The following AOPEP variants were observed in gnomAD, a reference collection of about 807,000 sequenced individuals.
AOPEP encodes aminopeptidase O.
In AOPEP, 77 loss-of-function variants were observed where a neutral mutation model predicts 98.1. That is an observed-to-expected ratio of 0.78 (90% CI 0.65 to 0.95). The LOEUF (loss-of-function observed/expected upper bound fraction) is 0.95, where lower values mean the gene tolerates loss of function less well. Among genes scored for constraint, AOPEP ranks in the 40% least tolerant of loss-of-function variants. AOPEP has a pLI of 0.00. For synonymous variants in AOPEP, 346 were observed against 365.3 expected, an observed-to-expected ratio of 0.95 and a Z score of 0.60; for missense variants, 1,024 against 1,024.7, an observed-to-expected ratio of 1.00 and a Z score of 0.01.
rs559590318 is a variant in AOPEP at position 95,060,889 on chromosome 9, A to T, written c.2232+79A>T. 278 of 886,168 alleles carry T rather than the reference A, an allele frequency of 3.1e-4. 4 individuals are homozygous for T. In the South Asian group the frequency reaches 3.7e-3, roughly 12 times the overall value. The allele number at this position is 886,168 out of a possible 1,614,324, so 54.9% of individuals were successfully genotyped here. A position where few individuals can be genotyped will look rare whatever the true frequency, so the allele number is the denominator to read the frequency against. ...AATGGTGATCCCATTGCAGTCCCAA[A>T]CTATTGAAACCACCATTTCTATTAG... On this transcript the variant is annotated intron_variant, in intron 14 of 16. Transcript: ENST00000375315.
chr9:94,769,208 G>C (rs980252131), intron 2 of AOPEP, among the ~76,000 whole-genome samples: 2 of 152,204 alleles, frequency 1.3e-5, no homozygotes, highest in African/African-American at 4.8e-5. Flanking sequence ...GATTCCACCA[G>C]TAGAGCTTTA....
intron 5 of AOPEP, among the ~76,000 whole-genome samples, chr9:94,803,007 G>A (rs1404858870): frequency 6.6e-6 from 1 of 152,108 alleles, no homozygotes; most frequent in Non-Finnish European, 1.5e-5. Flanking sequence ...CTGGCTACTG[G>A]GGCCCTGCTG....
chr9:95,028,647 T>G (rs1411685871), intron 13 of AOPEP, among the ~76,000 whole-genome samples: 5 of 152,250 alleles, frequency 3.3e-5, no homozygotes, highest in Admixed American at 3.3e-4. Context: ...AGAATGCATT[T>G]GTGATGTTTG....
the AOPEP span, among the ~76,000 whole-genome samples, chr9:95,107,906 C>CT: frequency 6.6e-6 from 1 of 152,204 alleles, no homozygotes; most frequent in Non-Finnish European, 1.5e-5. Flanking sequence ...AATTATAAGT[C>CT]TGCAGGTTGC....
chr9:94,789,889 T>TC (rs1442578236), intron 3 of AOPEP, among the ~76,000 whole-genome samples: 1 of 93,188 alleles, frequency 1.1e-5, no homozygotes, highest in East Asian at 4.0e-4. Context: ...TCTTTTTTTT[T>TC]TTTAGACGGA....
In AOPEP at chr9:95,085,842, T is replaced by G. The variant is rs2070597715; in HGVS notation, c.*5-840T>G. On this transcript the variant is annotated intron_variant, in intron 16 of 16. Transcript: ENST00000375315. The stretch of plus-strand genomic sequence containing the variant: ...ACCTAAGTCGTGTGAAATCATGTGG[T>G]AGCTCATGGCTGTGAGCGGGGCGGG... 2.7e-6 allele frequency: 3 copies of G among 1,112,640 alleles called. No individual in the cohort carries two copies. In the African/African-American group the frequency reaches 4.9e-5, roughly 18 times the overall value. The allele number at this position is 1,112,640 out of a possible 1,614,324, so 68.9% of individuals were successfully genotyped here. A position where few individuals can be genotyped will look rare whatever the true frequency, so the allele number is the denominator to read the frequency against.
At chr9:95,086,614 G>C in intron 16 of AOPEP, 68 bp from the exon 17 acceptor site, 1 of 991,028 alleles carries the variant, frequency 1.0e-6, no homozygotes. Flanking sequence ...AAGGCACACA[G>C]AGGTGCGCGC....
intron 1 of AOPEP, among the ~76,000 whole-genome samples, chr9:94,732,352 G>A (rs1263505010): frequency 6.6e-6 from 1 of 151,534 alleles, no homozygotes; most frequent in Non-Finnish European, 1.5e-5. Context: ...AAACACAACT[G>A]TCTTATCCAC....
chr9:95,137,897 C>T, the AOPEP span, among the ~76,000 whole-genome samples: 1 of 152,212 alleles, frequency 6.6e-6, no homozygotes, highest in Non-Finnish European at 1.5e-5. Context: ...CAGCACATGG[C>T]AGAGAGAGGA....
intron 1 of AOPEP, among the ~76,000 whole-genome samples, chr9:94,747,150 C>T (rs1006509943): frequency 1.2e-4 from 18 of 151,704 alleles, no homozygotes; most frequent in African/African-American, 4.4e-4. Flanking sequence ...AAATTTAGAG[C>T]AAAGAGAGAC....
intron 6 of AOPEP, 145 bp from the exon 7 acceptor site, chr9:94,928,280 G>A (rs1347207142): frequency 1.3e-5 from 8 of 621,352 alleles, no homozygotes; most frequent in Non-Finnish European, 2.2e-5. Flanking sequence ...AGAGGCTCCA[G>A]TGGCCTTTAG....
chr9:95,034,284 A>AT (rs1472728877), intron 13 of AOPEP, among the ~76,000 whole-genome samples: 2 of 152,234 alleles, frequency 1.3e-5, no homozygotes, highest in Non-Finnish European at 2.9e-5. Context: ...AGGTGTCTTC[A>AT]TAAAGGAGAT....
At chr9:94,743,199 AGAG>A (rs1391766957) in intron 1 of AOPEP, among the ~76,000 whole-genome samples, 3 of 115,124 alleles carry the variant, frequency 2.6e-5, no homozygotes, top group African/African-American at 7.7e-5. Flanking sequence ...AAGAAGAAGA[AGAG>A]GAAGAAGAGG....
At chr9:95,141,128 G>T in the AOPEP span, among the ~76,000 whole-genome samples, 1 of 151,770 alleles carries the variant, frequency 6.6e-6, no homozygotes, top group African/African-American at 2.4e-5. Context: ...TGGGCAATAT[G>T]GCAAAACCCA....
chr9:95,066,777 C>T (rs1292969365), intron 14 of AOPEP, among the ~76,000 whole-genome samples: 1 of 152,138 alleles, frequency 6.6e-6, no homozygotes, highest in Non-Finnish European at 1.5e-5. Context: ...TGCCCTGATG[C>T]TCTTCTTCCG....
At chr9:95,051,153 G>A (rs1432988806) in intron 13 of AOPEP, among the ~76,000 whole-genome samples, 7 of 147,058 alleles carry the variant, frequency 4.8e-5, no homozygotes, top group African/African-American at 1.7e-4. Flanking sequence ...GCAATGGCGT[G>A]ATCTCGACTC....
At chr9:94,751,807 G>A (rs1404767724) in intron 1 of AOPEP, among the ~76,000 whole-genome samples, 1 of 149,192 alleles carries the variant, frequency 6.7e-6, no homozygotes, top group Non-Finnish European at 1.5e-5. Flanking sequence ...CAGGTTTGTT[G>A]CAAGGGTATA....
chr9:94,800,900 C>T lies in AOPEP; in HGVS notation c.1262C>T (p.Pro421Leu). Residue 421 changes from proline (P) to leucine (L), a missense_variant, in exon 5 of 17, where the codon CCT becomes CTT. Pro to Leu is a moderately conservative substitution (Grantham distance 98). This residue lies in a region of AOPEP where 566 missense variants were observed against 551.7 expected (regional missense o/e 1.03). Coordinates refer to ENST00000375315, the MANE Select transcript of AOPEP (RefSeq NM_001193329.3). ...CAAGAGACCCTTCTGCGGCTGATCC[C>T]TCCTTGCCTCTCAGCAGCACATTCT... ...ACQETLLRLI[P>L]PCLSAAHSVL... 1.2e-6 allele frequency: 2 copies of T among 1,614,164 alleles called. No individual in the cohort carries two copies. Among genetic ancestry groups the T allele is most frequent in the East Asian group, 2.2e-5 (1 of 44,860 alleles).
chr9:95,137,657 T>G, the AOPEP span, among the ~76,000 whole-genome samples: 1 of 152,120 alleles, frequency 6.6e-6, no homozygotes, highest in Non-Finnish European at 1.5e-5. Context: ...GCAGAGATAT[T>G]CAATAGGTCC....
Sources: gnomAD v4.1 joint callset for allele counts (sites outside exome capture counted in the v4.1 genomes callset) on GRCh38, gnomAD v4.1.1 for gene constraint, gnomAD v4.1.1 regional missense constraint, MANE v1.5 for transcripts, NCBI Gene and HGNC (gene_info 2026-07-23, HGNC 2026-07-21) for gene names.